The following FCHO2 variants were observed in gnomAD, a reference collection of about 807,000 sequenced individuals.
FCHO2 encodes FCH and mu domain containing endocytic adaptor 2.
FCHO2 carries 43 observed loss-of-function variants against 114.1 expected under a neutral mutation model. That is an observed-to-expected ratio of 0.38 (90% CI 0.30 to 0.49). FCHO2 has a LOEUF of 0.49. Ranked by LOEUF, FCHO2 falls within the 20% of genes least tolerant of loss-of-function variation. The pLI, the probability that FCHO2 is intolerant of heterozygous loss-of-function variation, is 0.97. For synonymous variants in FCHO2, 293 were observed against 315.2 expected (o/e 0.93, Z 0.75); for missense variants, 807 against 950.4 (o/e 0.85, Z 1.98).
intron 11 of FCHO2, among the ~76,000 whole-genome samples, chr5:73,049,893 CATACAT>C (rs533258490): frequency 2.0e-5 from 3 of 151,990 alleles, no homozygotes; most frequent in African/African-American, 2.4e-5. Context: ...TAGATATATA[CATACAT>C]ATACATATAC....
intron 10 of FCHO2, among the ~76,000 whole-genome samples, chr5:73,040,026 G>A (rs1374243798): frequency 6.6e-6 from 1 of 151,002 alleles, no homozygotes; most frequent in Admixed American, 6.6e-5. Context: ...TGGATTAAGA[G>A]CAATGTAGTC....
chr5:72,974,208 G>A (rs1489989342), intron 2 of FCHO2, among the ~76,000 whole-genome samples: 2 of 144,398 alleles, frequency 1.4e-5, no homozygotes, highest in Non-Finnish European at 3.1e-5. Context: ...TTCTGTAGAT[G>A]TCTATTAGGT....
At chr5:72,976,129 A>G (rs1419166751) in intron 2 of FCHO2, among the ~76,000 whole-genome samples, 1 of 152,202 alleles carries the variant, frequency 6.6e-6, no homozygotes, top group Non-Finnish European at 1.5e-5. Context: ...CATCCTTGCC[A>G]GCATTTGGAG....
At chr5:73,056,447 C>T (rs79795501) in intron 16 of FCHO2, among the ~76,000 whole-genome samples, 1 of 152,196 alleles carries the variant, frequency 6.6e-6, no homozygotes, top group Non-Finnish European at 1.5e-5. Context: ...ACCTTCTCAT[C>T]CCTTCTTCCA....
At chr5:72,983,921 A>G (rs1335214630) in intron 2 of FCHO2, among the ~76,000 whole-genome samples, 2 of 152,098 alleles carry the variant, frequency 1.3e-5, no homozygotes, top group Non-Finnish European at 2.9e-5. Context: ...TTGTGAGGCC[A>G]TAAGGTATAC....
chr5:73,046,339 T>C (rs1757055835), intron 11 of FCHO2, among the ~76,000 whole-genome samples: 1 of 152,152 alleles, frequency 6.6e-6, no homozygotes, highest in Admixed American at 6.5e-5. Context: ...AATGCTGGGA[T>C]TATAGGCCTG....
In FCHO2 at chr5:72,969,272, A is replaced by G. The variant is rs78657599; in HGVS notation, c.125+683A>G. Among the ~76,000 whole-genome samples, 40 of 152,324 alleles carry G rather than the reference A, an allele frequency of 2.6e-4. 1 individual carries two copies. In the East Asian group the frequency reaches 7.1e-3, roughly 27 times the overall value. ...CTCCATTTATTCATGTATTCTTTCAACAATGTATATCCCATCAGTGCTGTG... is the reference window on the plus strand; with the variant it reads ...CTCCATTTATTCATGTATTCTTTCAGCAATGTATATCCCATCAGTGCTGTG... On this transcript the variant is annotated intron_variant, in intron 2 of 25. Transcript: ENST00000430046.
intron 15 of FCHO2, 28 bp from the exon 16 acceptor site, chr5:73,056,034 TGAA>T (rs1380840826): frequency 7.3e-7 from 1 of 1,361,574 alleles, no homozygotes; most frequent in South Asian, 1.4e-5. Flanking sequence ...TCTCAGATTA[TGAA>T]GTTTTCATAT....
At position 72,990,848 on chromosome 5, in the gene FCHO2, A is replaced by G. The variant is rs1029398122; in HGVS notation, c.479A>G (p.Gln160Arg). 3 of 1,542,856 alleles carry G rather than the reference A, an allele frequency of 1.9e-6. No individual in the cohort carries two copies. Among genetic ancestry groups the G allele is most frequent in the South Asian group, 2.5e-5 (2 of 81,420 alleles). Residue 160 changes from glutamine (Q) to arginine (R), a missense_variant, in exon 5 of 26, where the codon CAA becomes CGA. Gln to Arg is a conservative substitution (Grantham distance 43). Transcript: ENST00000430046. ...QERLKKEGAT[Q>R]REIEKAAVKS... is the part of the protein sequence containing the mutation. ...CGTTTGAAAAAGGAAGGAGCTACAC[A>G]AAGAGAAATAGAAAAGGTAATCATA...
intron 1 of FCHO2, among the ~76,000 whole-genome samples, chr5:72,956,441 G>C (rs1473426853): frequency 1.3e-5 from 2 of 151,702 alleles, no homozygotes; most frequent in Non-Finnish European, 2.9e-5. Flanking sequence ...GGAGGCTCCC[G>C]GTGCCGCGCT....
intron 2 of FCHO2, among the ~76,000 whole-genome samples, chr5:72,970,378 A>G (rs1445090783): frequency 1.3e-5 from 2 of 152,220 alleles, no homozygotes; most frequent in Admixed American, 6.5e-5. Flanking sequence ...TTTCCACTCC[A>G]GAGATACTGG....
intron 1 of FCHO2, among the ~76,000 whole-genome samples, chr5:72,963,426 A>G (rs542459039): frequency 6.6e-6 from 1 of 152,286 alleles, no homozygotes; most frequent in East Asian, 1.9e-4. Context: ...GAAATACAAA[A>G]TTCAAGATAG....
At chr5:73,012,887 T>C (rs1264826850) in intron 6 of FCHO2, among the ~76,000 whole-genome samples, 2 of 152,162 alleles carry the variant, frequency 1.3e-5, no homozygotes, top group Admixed American at 6.5e-5. Flanking sequence ...AGTTTCTCTG[T>C]GGATTCATAT....
intron 5 of FCHO2, among the ~76,000 whole-genome samples, chr5:72,992,386 A>G (rs1474486573): frequency 1.3e-5 from 2 of 152,226 alleles, no homozygotes; most frequent in Admixed American, 6.5e-5. Flanking sequence ...GGAAAACGAA[A>G]TAACAGGGTC....
At chr5:73,020,912 C>G (rs541561616) in intron 8 of FCHO2, 3 of 1,347,286 alleles carry the variant, frequency 2.2e-6, no homozygotes, top group Non-Finnish European at 3.2e-6. Context: ...TCATCTTTAT[C>G]GAAATCATAT....
At position 72,990,692 on chromosome 5, in the gene FCHO2, G is replaced by A. The variant is rs1386743316; in HGVS notation, c.343-20G>A. On this transcript the variant is annotated intron_variant, in intron 4 of 25. Transcript: ENST00000430046. ...ACTTTATAGTTCAGTCATTTTGATG[G>A]ATCATTTCATACTAAACAGACTAAA... The A allele has an allele frequency of 6.5e-7, 1 of 1,541,110 alleles. No homozygotes were observed. The highest frequency in any genetic ancestry group is 8.7e-7 in the Non-Finnish European group (1 of 1,146,124).
chr5:72,989,711 T>C (rs1438169748), intron 3 of FCHO2, among the ~76,000 whole-genome samples: 1 of 152,186 alleles, frequency 6.6e-6, no homozygotes, highest in Non-Finnish European at 1.5e-5. Context: ...ATGAAATTTA[T>C]TTTTTCCCTT....
chr5:73,050,479 CA>C (rs1302643490), intron 11 of FCHO2, among the ~76,000 whole-genome samples: 1 of 152,026 alleles, frequency 6.6e-6, no homozygotes, highest in African/African-American at 2.4e-5. Context: ...CCACCATGCC[CA>C]GCTAATTTTT....
chr5:73,054,664 C>CGG, intron 15 of FCHO2, 115 bp downstream of exon 15: 1 of 696,376 alleles, frequency 1.4e-6, no homozygotes, highest in Admixed American at 3.3e-5. Flanking sequence ...ATGAGCCCTA[C>CGG]TGCGTGGCTA....
Sources: gnomAD v4.1 joint callset for allele counts (sites outside exome capture counted in the v4.1 genomes callset) on GRCh38, gnomAD v4.1.1 for gene constraint, MANE v1.5 for transcripts, NCBI Gene and HGNC (gene_info 2026-07-23, HGNC 2026-07-21) for gene names.